Variants in PACRG observed in about 807,000 individuals in gnomAD.
The protein encoded by PACRG is parkin coregulated.
Under a neutral mutation model 29.7 loss-of-function variants are expected in PACRG, and 29 were observed. The ratio of observed to expected loss-of-function variants is 0.98; its 90% confidence interval spans 0.73 to 1.33. The LOEUF (loss-of-function observed/expected upper bound fraction) is 1.33. Among genes scored for constraint, PACRG ranks in the 40% most tolerant of loss-of-function variants. The pLI is 0.00. For missense variants in PACRG, 279 were observed against 316.2 expected, an observed-to-expected ratio of 0.88 and a Z score of 0.89; for synonymous variants, 116 against 118.7, an observed-to-expected ratio of 0.98 and a Z score of 0.15.
intron 4 of PACRG, among the ~76,000 whole-genome samples, chr6:163,192,734 A>G (rs1780271281): frequency 6.6e-6 from 1 of 152,158 alleles, no homozygotes; most frequent in East Asian, 1.9e-4. Context: ...TTGATGAGAG[A>G]ACATTTTATT....
chr6:162,786,208 C>G (rs1422274038), intron 1 of PACRG, among the ~76,000 whole-genome samples: 1 of 152,182 alleles, frequency 6.6e-6, no homozygotes, highest in African/African-American at 2.4e-5. Flanking sequence ...AGAGCCTCAG[C>G]TTTGAGGTAT....
At chr6:162,866,954 G>C (rs1224607995) in intron 2 of PACRG, among the ~76,000 whole-genome samples, 1 of 152,170 alleles carries the variant, frequency 6.6e-6, no homozygotes, top group Non-Finnish European at 1.5e-5. Flanking sequence ...TGTTTCCTCT[G>C]TGGTTCTTTG....
At chr6:162,851,103 G>C (rs1297571796) in intron 2 of PACRG, among the ~76,000 whole-genome samples, 4 of 152,330 alleles carry the variant, frequency 2.6e-5, no homozygotes, top group Middle Eastern at 3.4e-3. Flanking sequence ...GGAGGAAAAT[G>C]CTTTGATTTT....
intron 1 of PACRG, among the ~76,000 whole-genome samples, chr6:162,781,728 C>G (rs972018451): frequency 9.2e-5 from 14 of 151,436 alleles, no homozygotes; most frequent in African/African-American, 2.4e-4. Flanking sequence ...AATGTTTACT[C>G]TAAACCCTAA....
intron 2 of PACRG, among the ~76,000 whole-genome samples, chr6:163,022,838 C>T (rs578085862): frequency 6.6e-6 from 1 of 152,290 alleles, no homozygotes; most frequent in African/African-American, 2.4e-5. Flanking sequence ...TAAATAATTT[C>T]CTGCTTCTCT....
intron 4 of PACRG, among the ~76,000 whole-genome samples, chr6:163,130,879 G>A (rs1025339476): frequency 1.3e-5 from 2 of 152,152 alleles, no homozygotes; most frequent in Admixed American, 6.5e-5. Flanking sequence ...AAGTCTCCCC[G>A]CAAGATCCAT....
rs527912584 is a variant in PACRG at position 163,292,517 on chromosome 6, C to T, written c.614-22310C>T. 4.6e-5 allele frequency among the ~76,000 whole-genome samples: 7 copies of T among 152,268 alleles called. No homozygotes were observed. The East Asian group carries it at 5.8e-4, about 13-fold the overall frequency. Reference sequence around the variant, plus strand: ...CTGGGTTCAAGCAATTCTCCTGCCTCGGCCTCCTGAGTAGCTGGGATTACA... The same window carrying T: ...CTGGGTTCAAGCAATTCTCCTGCCTTGGCCTCCTGAGTAGCTGGGATTACA... On this transcript the variant is annotated intron_variant, in intron 4 of 4. Transcript: ENST00000366888.
chr6:163,276,012 T>TTCC (rs1218623098), intron 4 of PACRG, among the ~76,000 whole-genome samples: 3,932 of 137,926 alleles, frequency 0.029, 154 homozygotes, highest in African/African-American at 0.11. Context: ...TCCTTCCTTC[T>TTCC]TTCTTTCTTT....
intron 4 of PACRG, among the ~76,000 whole-genome samples, chr6:163,271,338 A>AGATTGAGGGT (rs1562351370): frequency 8.8e-4 from 18 of 20,504 alleles, no homozygotes; most frequent in East Asian, 1.2e-3. Context: ...CAAACACACC[A>AGATTGAGGGT]GGAACAATAC....
intron 4 of PACRG, among the ~76,000 whole-genome samples, chr6:163,213,618 T>C (rs950613182): frequency 1.3e-4 from 20 of 152,196 alleles, no homozygotes; most frequent in Admixed American, 3.3e-4. Context: ...CCATTTATAC[T>C]TTTTTTATGA....
At chr6:163,279,257 G>A (rs922793095) in intron 4 of PACRG, among the ~76,000 whole-genome samples, 1 of 152,048 alleles carries the variant, frequency 6.6e-6, no homozygotes, top group Admixed American at 6.6e-5. Context: ...GGTTTTCGAG[G>A]TATACCATCA....
At chr6:163,003,259 G>C (rs1405944446) in intron 2 of PACRG, among the ~76,000 whole-genome samples, 1 of 152,172 alleles carries the variant, frequency 6.6e-6, no homozygotes, top group Non-Finnish European at 1.5e-5. Context: ...ATTTTCATTT[G>C]GAAATGGGAT....
At chr6:163,222,664 A>G (rs1348762890) in intron 4 of PACRG, among the ~76,000 whole-genome samples, 1 of 152,222 alleles carries the variant, frequency 6.6e-6, no homozygotes, top group African/African-American at 2.4e-5. Flanking sequence ...GAGTGGAATT[A>G]ATGGCCATCC....
intron 2 of PACRG, among the ~76,000 whole-genome samples, chr6:162,844,673 A>G (rs994248750): frequency 7.9e-5 from 12 of 152,232 alleles, no homozygotes. Flanking sequence ...TGAATCTTCA[A>G]TTACATAAGC....
chr6:163,105,782 A>G (rs1362086183), intron 4 of PACRG, among the ~76,000 whole-genome samples: 1 of 152,160 alleles, frequency 6.6e-6, no homozygotes, highest in Non-Finnish European at 1.5e-5. Flanking sequence ...AGTCATGGAA[A>G]GTTAGAAATC....
intron 2 of PACRG, among the ~76,000 whole-genome samples, chr6:163,033,708 T>C (rs1300446259): frequency 6.6e-6 from 1 of 152,208 alleles, no homozygotes; most frequent in Non-Finnish European, 1.5e-5. Context: ...AAGCCAGGAA[T>C]TGAATCCTGA....
intron 2 of PACRG, among the ~76,000 whole-genome samples, chr6:162,963,229 A>G (rs79415753): frequency 6.6e-6 from 1 of 152,310 alleles, no homozygotes; most frequent in African/African-American, 2.4e-5. Context: ...TGTTTAAGGA[A>G]TGTAGTTATT....
chr6:162,846,296 G>A lies in PACRG; in HGVS notation c.291+32015G>A, dbSNP rs534432010. On this transcript the variant is annotated intron_variant, in intron 2 of 4. Transcript: ENST00000366888. ...GGAACACGGTAGATTTTACAGTGCA[G>A]AGCTTGGTCCAGGGTCAGTTACATT... Among the ~76,000 whole-genome samples, 5 of 152,350 alleles carry A rather than the reference G, an allele frequency of 3.3e-5. No individual in the cohort carries two copies. The South Asian group carries it at 6.2e-4, about 19-fold the overall frequency.
At chr6:163,080,099 C>T (rs514432) in intron 3 of PACRG, among the ~76,000 whole-genome samples, 36,855 of 151,338 alleles carry the variant, frequency 0.24, 4,902 homozygotes, top group East Asian at 0.51. Flanking sequence ...GGGGTTTCAC[C>T]GTGTTAGCCA....
Sources: allele counts gnomAD v4.1 joint callset (sites outside exome capture counted in the v4.1 genomes callset), GRCh38; gene constraint gnomAD v4.1.1; transcripts MANE v1.5; gene names NCBI Gene and HGNC (gene_info 2026-07-23, HGNC 2026-07-21).